HBP1: variants seen among roughly 807,000 people sequenced by gnomAD.
The protein encoded by HBP1 is HMG box-containing protein 1.
In HBP1, 20 loss-of-function variants were observed where a neutral mutation model predicts 62.6. That is an observed-to-expected ratio of 0.32 (90% CI 0.22 to 0.46). The LOEUF (loss-of-function observed/expected upper bound fraction) is 0.46. HBP1 is among the 20% of genes least tolerant of loss of function. The pLI is 1.00. For missense variants in HBP1, 480 were observed against 611.8 expected, an observed-to-expected ratio of 0.78 and a Z score of 2.27; for synonymous variants, 232 against 206.2, an observed-to-expected ratio of 1.12 and a Z score of -1.07.
At chr7:107,182,997 G>GT (rs1797181845) in intron 3 of HBP1, among the ~76,000 whole-genome samples, 1 of 152,076 alleles carries the variant, frequency 6.6e-6, no homozygotes, top group African/African-American at 2.4e-5. Context: ...TTCTTCCATA[G>GT]TTTATGTGGC....
At chr7:107,190,077 A>G (rs1335316709) in intron 7 of HBP1, 96 bp from the exon 8 acceptor site, 5 of 862,328 alleles carry the variant, frequency 5.8e-6, no homozygotes, top group African/African-American at 5.2e-5. Context: ...CTTAGCAATA[A>G]CATTTTATTT....
At chr7:107,201,128 A>G (rs1389337227) in intron 10 of HBP1, 1 of 303,264 alleles carries the variant, frequency 3.3e-6, no homozygotes, top group South Asian at 9.5e-5. Flanking sequence ...GTCAGATGAG[A>G]GGGTGGCTGA....
intron 4 of HBP1, among the ~76,000 whole-genome samples, 185 bp from the exon 5 acceptor site, chr7:107,186,176 T>C (rs1209450619): frequency 2.0e-5 from 3 of 150,154 alleles, no homozygotes; most frequent in Non-Finnish European, 4.4e-5. Flanking sequence ...CTTTTTTTTT[T>C]TTTTTTAGCA....
At chr7:107,180,670 C>T (rs1186768067) in intron 2 of HBP1, among the ~76,000 whole-genome samples, 3 of 152,140 alleles carry the variant, frequency 2.0e-5, no homozygotes, top group Admixed American at 6.5e-5. Context: ...TTTATAAAAA[C>T]CCTGGGGAGA....
chr7:107,176,613 A>G (rs1334771337), intron 1 of HBP1, among the ~76,000 whole-genome samples: 1 of 151,852 alleles, frequency 6.6e-6, no homozygotes, highest in Admixed American at 6.6e-5. Context: ...TCCTCTGGGG[A>G]TGGGGCCTGG....
intron 3 of HBP1, among the ~76,000 whole-genome samples, chr7:107,184,730 T>TC (rs1377464586): frequency 1.3e-5 from 2 of 152,198 alleles, no homozygotes; most frequent in Non-Finnish European, 2.9e-5. Context: ...CAGGATGGTC[T>TC]CCATCTCCTG....
intron 1 of HBP1, chr7:107,169,975 A>C (rs953442504): frequency 2.1e-5 from 21 of 985,424 alleles, no homozygotes; most frequent in South Asian, 1.9e-4. Flanking sequence ...GAAACAAAAC[A>C]AAACAAACCA....
At chr7:107,195,202 G>A (rs1797835610) in intron 8 of HBP1, among the ~76,000 whole-genome samples, 1 of 151,946 alleles carries the variant, frequency 6.6e-6, no homozygotes, top group Admixed American at 6.6e-5. Flanking sequence ...TTGTATTTTT[G>A]GTAGAGATGG....
rs1160740045 is a variant in HBP1, at chr7:107,171,071, A to ATTTTTTTTTT, written c.-16+1887_-16+1888insTTTTTTTTTT. On this transcript the variant is annotated intron_variant, in intron 1 of 10. Transcript: ENST00000222574. Reference sequence around the variant, plus strand: ...AATATATATATATATATATATATATATATTTTTTTTTTTTTTTGAGAGGGA... The same window carrying ATTTTTTTTTT: ...AATATATATATATATATATATATATATTTTTTTTTTTATTTTTTTTTTTTTTTGAGAGGGA... Among the ~76,000 whole-genome samples the ATTTTTTTTTT allele has an allele frequency of 5.2e-3, 439 of 84,284 alleles. 86 individuals are homozygous for ATTTTTTTTTT. Among genetic ancestry groups the ATTTTTTTTTT allele is most frequent in the African/African-American group, 0.034 (420 of 12,230 alleles). The allele number at this position is 84,284 out of a possible 152,430, so 55.3% of individuals were successfully genotyped here.
intron 1 of HBP1, among the ~76,000 whole-genome samples, chr7:107,174,164 C>T (rs1370962954): frequency 2.6e-5 from 4 of 152,104 alleles, no homozygotes; most frequent in African/African-American, 4.8e-5. Flanking sequence ...GTAGAGGGAC[C>T]GACCGTGAGT....
Position 107,175,391 on chromosome 7 carries a change from A to C in HBP1, c.-15-4488A>C, listed in dbSNP as rs78614892. On this transcript the variant is annotated intron_variant, in intron 1 of 10. Transcript: ENST00000222574. ...GCCATTTTATAAACAAGGCATGAAG[A>C]TTTTAAGTAAATTATTTAGGGTACA... is the stretch of plus-strand genomic sequence containing the variant. Among the ~76,000 whole-genome samples the C allele has an allele frequency of 2.0e-5, 3 of 152,204 alleles. No individual in the cohort carries two copies. The East Asian group carries it at 5.8e-4, about 29-fold the overall frequency.
Position 107,169,133 on chromosome 7 carries a change from GTGT to G in HBP1, c.-64_-62del, listed in dbSNP as rs1346091708. 4.0e-6 allele frequency: 5 copies of G among 1,245,032 alleles called. No individual in the cohort carries two copies. In the Admixed American group the frequency reaches 7.6e-5, roughly 19 times the overall value. The allele number at this position is 1,245,032 out of a possible 1,614,324, so 77.1% of individuals were successfully genotyped here. ...AGAGGGGGTACGAGAGCTGCTGGTGGTGTTGTCGTGGCCGGAGCGGCCCGCGCC... is the reference window on the plus strand; with the variant it reads ...AGAGGGGGTACGAGAGCTGCTGGTGGTGTCGTGGCCGGAGCGGCCCGCGCC... On this transcript the variant is annotated 5_prime_UTR_variant, in exon 1 of 11. Transcript: ENST00000222574.
chr7:107,169,476 G>T lies in HBP1; in HGVS notation c.-16+291G>T, dbSNP rs1399717384. 8.2e-5 allele frequency among the ~76,000 whole-genome samples: 12 copies of T among 145,776 alleles called. No homozygotes were observed. In the Admixed American group the frequency reaches 8.3e-4, roughly 10 times the overall value. On this transcript the variant is annotated intron_variant, in intron 1 of 10. Transcript: ENST00000222574. ...GGGCCAGGTCGCGCGGTGGGTGGCCGGGCCGGGTGTGGAGATGGGGCGGGC... is the reference window on the plus strand; with the variant it reads ...GGGCCAGGTCGCGCGGTGGGTGGCCTGGCCGGGTGTGGAGATGGGGCGGGC...
chr7:107,192,527 A>G (rs1797703682), intron 8 of HBP1: 1 of 152,170 alleles, frequency 6.6e-6, no homozygotes, highest in Non-Finnish European at 1.5e-5. Flanking sequence ...TATGGAACTT[A>G]GTGATACTGG....
chr7:107,177,330 A>G (rs1470238968), intron 1 of HBP1, among the ~76,000 whole-genome samples: 1 of 152,198 alleles, frequency 6.6e-6, no homozygotes, highest in Non-Finnish European at 1.5e-5. Flanking sequence ...TTGCTACACC[A>G]TAATAGTAGC....
intron 1 of HBP1, among the ~76,000 whole-genome samples, chr7:107,179,033 C>CA (rs202231337): frequency 0.062 from 9,348 of 151,372 alleles, 389 homozygotes; most frequent in Non-Finnish European, 0.086. Flanking sequence ...GACTCCGTCT[C>CA]AAAAAAAAGA....
Position 107,186,345 on chromosome 7 carries a change from A to T in HBP1, c.541-16A>T, listed in dbSNP as rs547759587. The T allele has an allele frequency of 7.7e-6, 11 of 1,437,080 alleles. No homozygotes were observed. The African/African-American group carries it at 1.4e-4, about 19-fold the overall frequency. The allele number at this position is 1,437,080 out of a possible 1,614,324, so 89.0% of individuals were successfully genotyped here. ...TTAAAAACAAATAAAAAAGTTGATA[A>T]TATTTTTCTCCATAGGCAAATAGTG... On this transcript the variant is annotated splice_polypyrimidine_tract_variant and intron_variant, in intron 4 of 10. Transcript: ENST00000222574.
intron 8 of HBP1, among the ~76,000 whole-genome samples, chr7:107,193,838 T>C (rs957733590): frequency 2.0e-4 from 30 of 152,178 alleles, no homozygotes; most frequent in Non-Finnish European, 4.0e-4. Flanking sequence ...TATGGAAGCT[T>C]GAGTAAATTA....
At chr7:107,186,907 T>A (rs1365269879) in intron 6 of HBP1, among the ~76,000 whole-genome samples, 2 of 152,198 alleles carry the variant, frequency 1.3e-5, no homozygotes, top group African/African-American at 4.8e-5. Flanking sequence ...GTATATTTCT[T>A]GGTGCTTCTT....
Sources: allele counts gnomAD v4.1 joint callset (sites outside exome capture counted in the v4.1 genomes callset), GRCh38; gene constraint gnomAD v4.1.1; transcripts MANE v1.5; gene names NCBI Gene and HGNC (gene_info 2026-07-23, HGNC 2026-07-21).